The following STXBP5L variants were observed in gnomAD, a reference collection of about 807,000 sequenced individuals.
The protein encoded by STXBP5L is syntaxin binding protein 5L.
A neutral mutation model predicts 144.5 loss-of-function variants in STXBP5L; 65 were observed. The observed-to-expected ratio is 0.45, with a 90% CI of 0.37 to 0.55. The LOEUF is 0.55. Among genes scored for constraint, STXBP5L ranks in the 20% least tolerant of loss-of-function variants. The pLI, the probability that STXBP5L is intolerant of heterozygous loss-of-function variation, is 0.00. For missense variants in STXBP5L, 1,298 were observed against 1,405.5 expected (o/e 0.92, Z 1.22); for synonymous variants, 505 against 469.6 (o/e 1.08, Z -0.97).
At position 121,224,186 on chromosome 3, in the gene STXBP5L, G is replaced by A. The variant is rs150528162; in HGVS notation, c.1111+1029G>A. 4.1e-4 allele frequency among the ~76,000 whole-genome samples: 63 copies of A among 152,188 alleles called. No homozygotes were observed. The East Asian group carries it at 6.4e-3, about 15-fold the overall frequency. The stretch of plus-strand genomic sequence containing the variant: ...TTTACATTTATTAGTTTTATTTATC[G>A]TTTGTAGAAAGAGAATAGTAATATG... On this transcript the variant is annotated intron_variant, in intron 11 of 26. Coordinates refer to ENST00000471454, the MANE Select transcript of STXBP5L (RefSeq NM_001308330.2).
At chr3:121,000,309 C>T (rs568930676) in intron 3 of STXBP5L, among the ~76,000 whole-genome samples, 1 of 152,130 alleles carries the variant, frequency 6.6e-6, no homozygotes, top group African/African-American at 2.4e-5. Context: ...CATTCTTTTA[C>T]ATTCTTTTTT....
intron 3 of STXBP5L, among the ~76,000 whole-genome samples, chr3:121,031,122 C>T (rs6809201): frequency 0.017 from 2,568 of 152,068 alleles, 73 homozygotes; most frequent in African/African-American, 0.059. Context: ...CGTGAAACAC[C>T]CCATAAACCA....
At chr3:121,007,521 T>C (rs1457774744) in intron 3 of STXBP5L, among the ~76,000 whole-genome samples, 3 of 152,076 alleles carry the variant, frequency 2.0e-5, no homozygotes, top group African/African-American at 7.2e-5. Context: ...TGAATTTTTT[T>C]CTTGGAAAGT....
intron 7 of STXBP5L, among the ~76,000 whole-genome samples, chr3:121,151,465 A>AT (rs1201038215): frequency 6.6e-6 from 1 of 151,990 alleles, no homozygotes; most frequent in Non-Finnish European, 1.5e-5. Flanking sequence ...TACTTTTGTT[A>AT]TTTTTTGTGT....
chr3:120,983,947 CCAGT>C (rs1265141348), intron 3 of STXBP5L, among the ~76,000 whole-genome samples: 1 of 152,202 alleles, frequency 6.6e-6, no homozygotes, highest in Non-Finnish European at 1.5e-5. Context: ...AACCCTCCTT[CCAGT>C]CAGTCTCTTA....
chr3:121,090,089 A>G (rs954455097), intron 5 of STXBP5L, among the ~76,000 whole-genome samples: 1 of 152,076 alleles, frequency 6.6e-6, no homozygotes, highest in Non-Finnish European at 1.5e-5. Context: ...TTTCATTCAA[A>G]TTGAGGTTTT....
intron 19 of STXBP5L, among the ~76,000 whole-genome samples, chr3:121,288,009 G>A (rs568010631): frequency 1.3e-5 from 2 of 152,292 alleles, no homozygotes; most frequent in South Asian, 2.1e-4. Context: ...TACAGCAGAT[G>A]TTCTTGTAGG....
At chr3:120,961,197 G>GTT (rs138331318) in intron 3 of STXBP5L, among the ~76,000 whole-genome samples, 20,770 of 144,196 alleles carry the variant, frequency 0.14, 1,722 homozygotes, top group Admixed American at 0.25. Context: ...ATTTTATTTA[G>GTT]TTTTTTTTTT....
At chr3:120,911,329 C>T (rs1708828774) in intron 2 of STXBP5L, among the ~76,000 whole-genome samples, 1 of 151,978 alleles carries the variant, frequency 6.6e-6, no homozygotes, top group African/African-American at 2.4e-5. Flanking sequence ...TAGGAAGTAC[C>T]AGAAGTTAAA....
At chr3:121,415,167 GTTC>G (rs2047204243) in intron 24 of STXBP5L, among the ~76,000 whole-genome samples, 1 of 152,126 alleles carries the variant, frequency 6.6e-6, no homozygotes, top group African/African-American at 2.4e-5. Context: ...CACACTGATG[GTTC>G]TTCAACTTTG....
intron 3 of STXBP5L, among the ~76,000 whole-genome samples, chr3:121,031,964 G>T (rs894019554): frequency 3.9e-4 from 59 of 152,150 alleles, no homozygotes; most frequent in African/African-American, 1.3e-3. Flanking sequence ...AGCAGGATTT[G>T]GTAGGAAAGA....
At chr3:121,230,174 A>T (rs916379635) in intron 11 of STXBP5L, among the ~76,000 whole-genome samples, 1 of 152,168 alleles carries the variant, frequency 6.6e-6, no homozygotes, top group Non-Finnish European at 1.5e-5. Flanking sequence ...ACTAGTCATC[A>T]TTCCAAATTA....
chr3:121,319,489 T>A (rs1400893384), intron 20 of STXBP5L, among the ~76,000 whole-genome samples: 2 of 152,164 alleles, frequency 1.3e-5, no homozygotes, highest in Non-Finnish European at 1.5e-5. Context: ...TCTAGTTATA[T>A]CCTATGTAAA....
At chr3:121,184,679 G>A (rs577034704) in intron 9 of STXBP5L, among the ~76,000 whole-genome samples, 4 of 152,196 alleles carry the variant, frequency 2.6e-5, no homozygotes, top group African/African-American at 7.2e-5. Flanking sequence ...AACCTAGCAA[G>A]ACAGGCCAAC....
intron 5 of STXBP5L, among the ~76,000 whole-genome samples, chr3:121,057,185 A>C (rs1948521790): frequency 6.6e-6 from 1 of 151,980 alleles, no homozygotes; most frequent in Non-Finnish European, 1.5e-5. Flanking sequence ...AGCCGAAAGA[A>C]AACTTCATAT....
At chr3:121,287,944 G>T (rs2051290342) in intron 19 of STXBP5L, among the ~76,000 whole-genome samples, 1 of 152,164 alleles carries the variant, frequency 6.6e-6, no homozygotes, top group Non-Finnish European at 1.5e-5. Flanking sequence ...ATTTTATTAA[G>T]ATGGCAGTTC....
chr3:121,150,296 T>TA (rs2045886975), intron 7 of STXBP5L, among the ~76,000 whole-genome samples: 1 of 152,124 alleles, frequency 6.6e-6, no homozygotes, highest in African/African-American at 2.4e-5. Context: ...ATTTTCTGTT[T>TA]AAAAAATATG....
intron 3 of STXBP5L, among the ~76,000 whole-genome samples, chr3:121,007,938 T>G (rs1559992551): frequency 6.6e-6 from 1 of 152,062 alleles, no homozygotes; most frequent in Non-Finnish European, 1.5e-5. Context: ...AAAAAAAATT[T>G]ATAATGGGAG....
chr3:121,095,671 C>G (rs781664864), intron 5 of STXBP5L, among the ~76,000 whole-genome samples: 2 of 152,256 alleles, frequency 1.3e-5, no homozygotes, highest in Admixed American at 6.5e-5. Flanking sequence ...ATTGGTTATT[C>G]TAGTTAGCCA....
Sources: allele counts gnomAD v4.1 joint callset (sites outside exome capture counted in the v4.1 genomes callset), GRCh38; gene constraint gnomAD v4.1.1; transcripts MANE v1.5; gene names NCBI Gene and HGNC (gene_info 2026-07-23, HGNC 2026-07-21).